NT5M: variants seen among roughly 807,000 people sequenced by gnomAD.
NT5M encodes 5'(3')-deoxyribonucleotidase, mitochondrial.
NT5M carries 22 observed loss-of-function variants against 22.2 expected under a neutral mutation model. The observed-to-expected ratio is 0.99, with a 90% confidence interval of 0.71 to 1.41. NT5M has a LOEUF of 1.41. Among genes scored for constraint, NT5M ranks in the 40% most tolerant of loss-of-function variants. The probability of loss-of-function intolerance (pLI) is 0.00; values close to 1 mark genes in which losing one functional copy is unlikely to be tolerated. For synonymous variants in NT5M, 167 were observed against 133.0 expected (o/e 1.26, Z -1.76); for missense variants, 322 against 314.8 (o/e 1.02, Z -0.17).
chr17:17,315,895 G>A (rs1395479470), intron 2 of NT5M, among the ~76,000 whole-genome samples: 6 of 151,668 alleles, frequency 4.0e-5, no homozygotes, highest in African/African-American at 1.5e-4. Context: ...GGGACTACAG[G>A]CATCTGCCAC....
intron 3 of NT5M, among the ~76,000 whole-genome samples, chr17:17,326,912 T>A (rs2049278815): frequency 6.6e-6 from 1 of 152,130 alleles, no homozygotes; most frequent in Admixed American, 6.5e-5. Flanking sequence ...TTTCTAGTTT[T>A]TTTGTGGGGG....
chr17:17,342,732 G>A (rs560481465), intron 3 of NT5M, among the ~76,000 whole-genome samples: 1 of 152,314 alleles, frequency 6.6e-6, no homozygotes, highest in South Asian at 2.1e-4. Flanking sequence ...CGCCTTGTCA[G>A]TCGGGTCCAG....
intron 3 of NT5M, among the ~76,000 whole-genome samples, chr17:17,340,448 C>A (rs1214296033): frequency 6.6e-6 from 1 of 151,762 alleles, no homozygotes; most frequent in East Asian, 1.9e-4. Flanking sequence ...TTTCACAAAA[C>A]CAATCTTTTG....
chr17:17,305,403 C>CCA (rs1433036722), intron 1 of NT5M, among the ~76,000 whole-genome samples: 1 of 130,282 alleles, frequency 7.7e-6, no homozygotes, highest in Non-Finnish European at 1.7e-5. Flanking sequence ...CGCCCCCCCC[C>CCA]CCCCGCCCCC....
In NT5M at chr17:17,306,497, AG is replaced by A. The variant is rs1597737946; in HGVS notation, c.268-44del. On this transcript the variant is annotated intron_variant, in intron 1 of 4. Coordinates refer to ENST00000389022, the MANE Select transcript of NT5M (RefSeq NM_020201.4). ...CATACTCCCCAAGATGAGGGCAGTA[AG>A]GTGCTGAGGACCCTGGAAGTAACTT... is the stretch of plus-strand genomic sequence containing the variant. 3 of 1,344,288 alleles carry A rather than the reference AG, an allele frequency of 2.2e-6. No individual in the cohort carries two copies. In the African/African-American group the frequency reaches 4.3e-5, roughly 19 times the overall value. The allele number at this position is 1,344,288 out of a possible 1,614,324, so 83.3% of individuals were successfully genotyped here. A position where few individuals can be genotyped will look rare whatever the true frequency, so the allele number is the denominator to read the frequency against.
intron 1 of NT5M, among the ~76,000 whole-genome samples, chr17:17,305,365 C>T (rs1418706248): frequency 6.8e-6 from 1 of 146,712 alleles, no homozygotes; most frequent in Non-Finnish European, 1.5e-5. Flanking sequence ...CTACCCCAAG[C>T]TGGCCCAGTA....
chr17:17,306,664 A>T, intron 2 of NT5M, 21 bp downstream of exon 2: 1 of 1,556,530 alleles, frequency 6.4e-7, no homozygotes, highest in Non-Finnish European at 8.9e-7. Flanking sequence ...CCTCCCAGCC[A>T]CTCAGTAAGT....
chr17:17,305,912 G>C (rs1433687924), intron 1 of NT5M, among the ~76,000 whole-genome samples: 2 of 152,106 alleles, frequency 1.3e-5, no homozygotes, highest in African/African-American at 4.8e-5. Context: ...TCCCCGTTCT[G>C]AGCCTCAGTT....
At chr17:17,345,374 C>G (rs545831967) in intron 4 of NT5M, 53 of 607,038 alleles carry the variant, frequency 8.7e-5, no homozygotes, top group Admixed American at 1.8e-4. Flanking sequence ...CTTGAACTGC[C>G]GTAGAAAGGA....
At chr17:17,344,721 C>T in intron 3 of NT5M, 73 bp from the exon 4 acceptor site, 4 of 1,569,158 alleles carry the variant, frequency 2.5e-6, no homozygotes, top group Non-Finnish European at 3.5e-6. Context: ...GACCCCTGCC[C>T]TCGGCTCTTG....
chr17:17,334,252 C>T (rs971256370), intron 3 of NT5M, among the ~76,000 whole-genome samples: 2 of 151,960 alleles, frequency 1.3e-5, no homozygotes, highest in Non-Finnish European at 2.9e-5. Context: ...CAAGCGTGAG[C>T]CACCATGCCT....
At position 17,303,522 on chromosome 17, in the gene NT5M, G is replaced by A. The variant is rs1313588005; in HGVS notation, c.-29G>A. 2 of 1,032,878 alleles carry A rather than the reference G, an allele frequency of 1.9e-6. No homozygotes were observed. The highest frequency in any genetic ancestry group is 2.3e-6 in the Non-Finnish European group (2 of 862,352). The allele number at this position is 1,032,878 out of a possible 1,614,324, so 64.0% of individuals were successfully genotyped here. ...GCAGCACGGCGCGGCCCAGGTCCCC[G>A]CGCCCACGACGGGCCAGCGCGCTGG... On this transcript the variant is annotated 5_prime_UTR_variant, in exon 1 of 5. Transcript: ENST00000389022.
At chr17:17,306,246 C>T (rs560376724) in intron 1 of NT5M, among the ~76,000 whole-genome samples, 6 of 152,192 alleles carry the variant, frequency 3.9e-5, no homozygotes, top group Admixed American at 1.3e-4. Flanking sequence ...CTAACAAGCA[C>T]GCAGTTCCTG....
intron 2 of NT5M, among the ~76,000 whole-genome samples, chr17:17,309,740 T>C (rs867130823): frequency 2.5e-4 from 37 of 148,764 alleles, no homozygotes; most frequent in African/African-American, 8.9e-4. Context: ...GGGTCAGCAA[T>C]GGCTTCTTCA....
In NT5M at chr17:17,347,398, G is replaced by C. The variant is rs1221854555; in HGVS notation, c.*451G>C. On this transcript the variant is annotated 3_prime_UTR_variant, in exon 5 of 5. Transcript: ENST00000389022. ...TCCAGGTGGGGACAAGCCCCTCTTG[G>C]TCTCAGCCACAGCACCCCTTATTCC... 1.7e-5 allele frequency: 3 copies of C among 172,968 alleles called. No individual in the cohort carries two copies. Among genetic ancestry groups the C allele is most frequent in the Admixed American group, 1.7e-4 (3 of 17,664 alleles). The allele number at this position is 172,968 out of a possible 1,614,324, so 10.7% of individuals were successfully genotyped here.
At chr17:17,322,819 G>T (rs1344529127) in intron 2 of NT5M, among the ~76,000 whole-genome samples, 2 of 152,230 alleles carry the variant, frequency 1.3e-5, no homozygotes, top group Non-Finnish European at 2.9e-5. Flanking sequence ...CTCGATCACT[G>T]CAGGGCTTAG....
intron 2 of NT5M, among the ~76,000 whole-genome samples, chr17:17,308,271 T>C (rs1294976931): frequency 6.6e-5 from 10 of 152,010 alleles, no homozygotes; most frequent in Non-Finnish European, 1.5e-4. Flanking sequence ...CCCTGAGAGA[T>C]TTTTAAAAAC....
chr17:17,320,280 G>A (rs987425498), intron 2 of NT5M, among the ~76,000 whole-genome samples: 4 of 152,144 alleles, frequency 2.6e-5, no homozygotes, highest in Non-Finnish European at 4.4e-5. Flanking sequence ...GGGTGGAAAT[G>A]GCTTGGAGGG....
At chr17:17,320,831 G>A (rs1412747684) in intron 2 of NT5M, among the ~76,000 whole-genome samples, 1 of 152,178 alleles carries the variant, frequency 6.6e-6, no homozygotes, top group Non-Finnish European at 1.5e-5. Context: ...CCCAGGATAG[G>A]GGAGCCCAGG....
Sources: gnomAD v4.1 joint callset for allele counts (sites outside exome capture counted in the v4.1 genomes callset) on GRCh38, gnomAD v4.1.1 for gene constraint, MANE v1.5 for transcripts, NCBI Gene and HGNC (gene_info 2026-07-23, HGNC 2026-07-21) for gene names.